The following BICD1 variants were observed in gnomAD, a reference collection of about 807,000 sequenced individuals.
BICD1 encodes the protein BICD cargo adaptor 1, also known as protein bicaudal D homolog 1.
Under a neutral mutation model 92.5 loss-of-function variants are expected in BICD1, and 35 were observed. That is an observed-to-expected ratio of 0.38 (90% CI 0.29 to 0.50). The LOEUF (loss-of-function observed/expected upper bound fraction) is 0.50. Ranked by LOEUF, BICD1 falls within the 20% of genes least tolerant of loss-of-function variation. The pLI is 0.93. For missense variants in BICD1, 950 were observed against 1,189.8 expected, an observed-to-expected ratio of 0.80 and a Z score of 2.97; for synonymous variants, 429 against 465.1, an observed-to-expected ratio of 0.92 and a Z score of 1.00.
intron 2 of BICD1, among the ~76,000 whole-genome samples, chr12:32,248,715 T>A (rs1946450757): frequency 6.6e-6 from 1 of 152,100 alleles, no homozygotes; most frequent in Non-Finnish European, 1.5e-5. Context: ...TTCAGGTTCT[T>A]GTCTCACAAC....
chr12:32,307,865 T>C (rs1480003602), intron 4 of BICD1, among the ~76,000 whole-genome samples: 1 of 152,248 alleles, frequency 6.6e-6, no homozygotes, highest in African/African-American at 2.4e-5. Context: ...TACCATTAAA[T>C]AGAAGTTTTA....
At chr12:32,247,248 A>G (rs1946413039) in intron 2 of BICD1, among the ~76,000 whole-genome samples, 1 of 151,782 alleles carries the variant, frequency 6.6e-6, no homozygotes, top group Non-Finnish European at 1.5e-5. Flanking sequence ...AAAAAAAAAA[A>G]AAAATGCCTA....
chr12:32,317,978 C>G (rs1364163768), intron 4 of BICD1, among the ~76,000 whole-genome samples: 1 of 151,854 alleles, frequency 6.6e-6, no homozygotes, highest in East Asian at 1.9e-4. Flanking sequence ...AATCCTTTCC[C>G]CATTGCTTGT....
At chr12:32,193,429 CACTGG>C (rs1944633032) in intron 1 of BICD1, among the ~76,000 whole-genome samples, 1 of 152,160 alleles carries the variant, frequency 6.6e-6, no homozygotes. Flanking sequence ...CTTTCATATG[CACTGG>C]GAAACCAAAA....
chr12:32,346,588 ATATATATATATATATATATATATACG>A (rs1938610806), intron 8 of BICD1, among the ~76,000 whole-genome samples: 1 of 4,086 alleles, frequency 2.4e-4, no homozygotes, highest in African/African-American at 1.4e-3. Context: ...ATATACGTGT[ATATATATATATATATATATATATACG>A]TGTATATATA....
intron 1 of BICD1, chr12:32,108,363 C>T (rs1941569310): frequency 3.9e-6 from 1 of 258,644 alleles, no homozygotes; most frequent in South Asian, 1.0e-4. Context: ...GGTATTTGGC[C>T]TCTTTTAAAG....
At position 32,124,528 on chromosome 12, in the gene BICD1, G is replaced by A. The variant is rs577978658; in HGVS notation, c.213+16984G>A. Among the ~76,000 whole-genome samples the A allele has an allele frequency of 1.5e-3, 221 of 152,266 alleles. 3 individuals carry two copies. Among genetic ancestry groups the A allele is most frequent in the Middle Eastern group, 6.8e-3 (2 of 294 alleles). ...TAATACAGTATCTGACACATGACAA[G>A]CACTTGATAAATGATGGATGTGATG... On this transcript the variant is annotated intron_variant, in intron 1 of 9. Coordinates refer to ENST00000652176, the MANE Select transcript of BICD1 (RefSeq NM_001714.4).
intron 1 of BICD1, among the ~76,000 whole-genome samples, chr12:32,157,895 G>T (rs1049833214): frequency 2.6e-5 from 4 of 152,096 alleles, no homozygotes; most frequent in African/African-American, 7.2e-5. Flanking sequence ...TTTAGGTCCT[G>T]GCTCCCCACT....
chr12:32,118,923 G>A (rs1028759838), intron 1 of BICD1, among the ~76,000 whole-genome samples: 1 of 152,248 alleles, frequency 6.6e-6, no homozygotes, highest in African/African-American at 2.4e-5. Context: ...GGGCTGCCTG[G>A]GTGGAGCTTA....
At chr12:32,152,294 G>A (rs535149266) in intron 1 of BICD1, among the ~76,000 whole-genome samples, 27 of 150,880 alleles carry the variant, frequency 1.8e-4, no homozygotes, top group Non-Finnish European at 3.7e-4. Flanking sequence ...TGTCACATAG[G>A]CTGGTGTGCC....
At chr12:32,217,520 C>G (rs1945395971) in intron 2 of BICD1, among the ~76,000 whole-genome samples, 1 of 152,126 alleles carries the variant, frequency 6.6e-6, no homozygotes. Flanking sequence ...ACAGCAAGGT[C>G]ACTTATGAGA....
chr12:32,357,204 G>A (rs1456119839), intron 8 of BICD1, among the ~76,000 whole-genome samples: 1 of 151,848 alleles, frequency 6.6e-6, no homozygotes, highest in Non-Finnish European at 1.5e-5. Flanking sequence ...GTAGAAATGG[G>A]GTTTCACCAT....
chr12:32,113,930 G>A (rs1941793635), intron 1 of BICD1, among the ~76,000 whole-genome samples: 1 of 151,880 alleles, frequency 6.6e-6, no homozygotes, highest in Non-Finnish European at 1.5e-5. Flanking sequence ...GGAGTGCAGT[G>A]GCGCAATCTC....
At chr12:32,377,397 A>G (rs1940013889) in intron 9 of BICD1, 143 bp from the exon 10 acceptor site, 3 of 653,366 alleles carry the variant, frequency 4.6e-6, no homozygotes, top group South Asian at 3.9e-5. Flanking sequence ...TTATCTTGGC[A>G]TGCTTTAGAT....
chr12:32,331,796 G>A (rs967858252), intron 5 of BICD1, among the ~76,000 whole-genome samples: 5 of 152,138 alleles, frequency 3.3e-5, no homozygotes, highest in Non-Finnish European at 5.9e-5. Context: ...GTCTATATGG[G>A]CTCAGTAAAT....
intron 1 of BICD1, among the ~76,000 whole-genome samples, chr12:32,209,018 A>G (rs1467906064): frequency 1.3e-5 from 2 of 151,982 alleles, no homozygotes; most frequent in Admixed American, 6.6e-5. Flanking sequence ...TATTTTTAAT[A>G]GAGATGGGGT....
At chr12:32,262,399 C>T (rs1403433199) in intron 2 of BICD1, among the ~76,000 whole-genome samples, 1 of 152,148 alleles carries the variant, frequency 6.6e-6, no homozygotes, top group Non-Finnish European at 1.5e-5. Flanking sequence ...CTGATGTCTT[C>T]ACCATCCGTT....
At chr12:32,151,185 G>A (rs183991151) in intron 1 of BICD1, among the ~76,000 whole-genome samples, 1 of 152,276 alleles carries the variant, frequency 6.6e-6, no homozygotes, top group Admixed American at 6.5e-5. Flanking sequence ...TGGAAACAGT[G>A]GAGCATGTTC....
intron 1 of BICD1, among the ~76,000 whole-genome samples, chr12:32,182,889 TC>T (rs67744214): frequency 0.4 from 36,378 of 89,826 alleles, 8,535 homozygotes; most frequent in East Asian, 0.59. Flanking sequence ...TTTCTTTCTT[TC>T]TTTTTTTTTT....
Sources: gnomAD v4.1 joint callset for allele counts (sites outside exome capture counted in the v4.1 genomes callset) on GRCh38, gnomAD v4.1.1 for gene constraint, MANE v1.5 for transcripts, NCBI Gene and HGNC (gene_info 2026-07-23, HGNC 2026-07-21) for gene names.